Variants in STK25 observed in about 807,000 individuals in gnomAD.
STK25 encodes serine/threonine kinase 25.
In STK25, 29 loss-of-function variants were observed where a neutral mutation model predicts 53.8. The ratio of observed to expected loss-of-function variants is 0.54; its 90% CI spans 0.40 to 0.74. STK25 has a LOEUF of 0.74. Among genes scored for constraint, STK25 ranks in the 30% least tolerant of loss-of-function variants. The pLI, the probability that STK25 is intolerant of heterozygous loss-of-function variation, is 0.00. For synonymous variants in STK25, 247 were observed against 238.3 expected (o/e 1.04, Z -0.33); for missense variants, 420 against 568.0 (o/e 0.74, Z 2.65).
chr2:241,508,218 GGGGGCCCAGGAGACCCCCCAGGCCGCC>G (rs2065973134), intron 1 of STK25, 83 bp from the exon 2 acceptor site: 1 of 1,336,856 alleles, frequency 7.5e-7, no homozygotes, highest in Non-Finnish European at 9.5e-7. Flanking sequence ...ATGGGTGGGG[GGGGGCCCAGGAGACCCCCCAGGCCGCC>G]GGGGCCCCGC....
At chr2:241,506,429 A>C (rs2065834936) in intron 2 of STK25, among the ~76,000 whole-genome samples, 1 of 152,234 alleles carries the variant, frequency 6.6e-6, no homozygotes, top group Non-Finnish European at 1.5e-5. Flanking sequence ...CGGAGCTCCA[A>C]TTTCTCATCC....
Position 241,493,953 on chromosome 2 carries a change from G to A in STK25, c.*1709C>T. 1 of 1,137,432 alleles carries A rather than the reference G, an allele frequency of 8.8e-7. No homozygotes were observed. Among genetic ancestry groups the A allele is most frequent in the Non-Finnish European group, 1.2e-6 (1 of 840,964 alleles). The allele number at this position is 1,137,432 out of a possible 1,614,324, so 70.5% of individuals were successfully genotyped here. On this transcript the variant is annotated 3_prime_UTR_variant, in exon 12 of 12. Transcript: ENST00000316586. ...GTCCCATATCCTGGGTTGTTCTTGG[G>A]ACAGTGTCTGAGCACAAGATGGCTC...
At chr2:241,498,815 G>T in intron 7 of STK25, 31 bp from the exon 8 acceptor site, 1 of 1,612,940 alleles carries the variant, frequency 6.2e-7, no homozygotes, top group South Asian at 1.1e-5. Context: ...ACTAGTCACT[G>T]GGCCCAGCCA....
In STK25 at chr2:241,496,370, C is replaced by T; in HGVS notation, c.1241+28G>A. ...CCAGCTTCTTGGTGGGGGTGCTCTCCCCGACCCTATGGCACGGCCGCCCTC... is the reference window on the plus strand; with the variant it reads ...CCAGCTTCTTGGTGGGGGTGCTCTCTCCGACCCTATGGCACGGCCGCCCTC... On this transcript the variant is annotated intron_variant, in intron 11 of 11. Transcript: ENST00000316586. The surrounding 1 kb of genome is among the most constrained non-coding windows in gnomAD (Gnocchi z 5.8). 6.2e-7 allele frequency: 1 copy of T among 1,603,756 alleles called. No individual in the cohort carries two copies. The highest frequency in any genetic ancestry group is 8.5e-7 in the Non-Finnish European group (1 of 1,173,628).
At chr2:241,499,907 C>G (rs556846355) in intron 5 of STK25, 1 of 575,490 alleles carries the variant, frequency 1.7e-6, no homozygotes, top group Non-Finnish European at 3.2e-6. Context: ...GTGCCGTGCA[C>G]CACAGGGAAC....
chr2:241,498,400 A>C (rs959789661), intron 8 of STK25, 51 bp from the exon 9 acceptor site: 4 of 1,484,188 alleles, frequency 2.7e-6, no homozygotes, highest in Non-Finnish European at 3.7e-6. Context: ...GCCAGGAGGC[A>C]TGAGGGCCTC....
intron 7 of STK25, 81 bp from the exon 8 acceptor site, chr2:241,498,865 C>T (rs745779959): frequency 5.6e-6 from 9 of 1,605,878 alleles, no homozygotes; most frequent in Admixed American, 3.4e-5. Flanking sequence ...CAGCCTGGAC[C>T]GGGGCGGGCC....
In STK25 at chr2:241,492,994, C is replaced by T. The variant is rs372550589; in HGVS notation, c.*2668G>A. The T allele has an allele frequency of 1.3e-5, 21 of 1,611,616 alleles. No homozygotes were observed. Among genetic ancestry groups the T allele is most frequent in the South Asian group, 8.8e-5 (8 of 91,016 alleles). ...GTCATGGCTGGCAGAAGCTCTGGGT[C>T]GTCTTTACCAACTTCTGTTTGTTCT... On this transcript the variant is annotated 3_prime_UTR_variant, in exon 12 of 12. Coordinates refer to ENST00000316586, the MANE Select transcript of STK25 (RefSeq NM_001271977.2).
At position 241,493,919 on chromosome 2, in the gene STK25, G is replaced by A. The variant is rs2065029806; in HGVS notation, c.*1743C>T. On this transcript the variant is annotated 3_prime_UTR_variant, in exon 12 of 12. Transcript: ENST00000316586. ...GCCCCAGGTTTTTAACCCTTCTTTT[G>A]TCCTGCTTGTCCCATATCCTGGGTT... 7.2e-6 allele frequency: 6 copies of A among 829,074 alleles called. 1 individual carries two copies. In the Admixed American group the frequency reaches 1.2e-4, roughly 16 times the overall value. 51.4% of individuals were successfully genotyped at this position (829,074 alleles called of 1,614,324 possible).
intron 8 of STK25, 106 bp from the exon 9 acceptor site, chr2:241,498,455 G>C (rs566801243): frequency 7.9e-7 from 1 of 1,267,574 alleles, no homozygotes; most frequent in Non-Finnish European, 1.1e-6. Flanking sequence ...ACCAGACGGG[G>C]CTCTGCCAGG....
chr2:241,503,907 C>T (rs2065661904), intron 2 of STK25: 7 of 423,786 alleles, frequency 1.7e-5, no homozygotes, highest in South Asian at 5.4e-5. Context: ...CTAAGCCCAG[C>T]GGAGGAGCTG....
Position 241,501,413 on chromosome 2 carries a change from C to T in STK25, c.261+65G>A, listed in dbSNP as rs2065503583. 3.3e-6 allele frequency: 5 copies of T among 1,506,842 alleles called. No individual in the cohort carries two copies. Among genetic ancestry groups the T allele is most frequent in the Non-Finnish European group, 4.6e-6 (5 of 1,095,180 alleles). The allele number at this position is 1,506,842 out of a possible 1,614,324, so 93.3% of individuals were successfully genotyped here. On this transcript the variant is annotated intron_variant, in intron 3 of 11. Coordinates refer to ENST00000316586, the MANE Select transcript of STK25 (RefSeq NM_001271977.2). This position sits in a 1 kb window ranked among gnomAD's most constrained non-coding sequence, Gnocchi z 5.3. The stretch of plus-strand genomic sequence containing the variant: ...TGCACCCTCTGGCATGTCACTCAGT[C>T]CCTCTGACATGGAAGAGAGCCGGGC...
chr2:241,500,639 G>A, intron 4 of STK25, 101 bp downstream of exon 4: 1 of 1,204,424 alleles, frequency 8.3e-7, no homozygotes, highest in South Asian at 1.3e-5. Flanking sequence ...CACCTAACGT[G>A]CCATGACACC....
At chr2:241,502,970 G>A (rs770400927) in intron 2 of STK25, among the ~76,000 whole-genome samples, 4 of 152,188 alleles carry the variant, frequency 2.6e-5, no homozygotes, top group Non-Finnish European at 5.9e-5. Context: ...ATGCCTAAAA[G>A]TTTCTGAGCC....
Position 241,501,205 on chromosome 2 carries a change from C to T in STK25, c.261+273G>A, listed in dbSNP as rs2065489612. ...CAGCCACCTGCTCCTCACAGGCCCA[C>T]TCACCACTGCCAGTAGGGGCCCCCC... On this transcript the variant is annotated intron_variant, in intron 3 of 11. Transcript: ENST00000316586. This position sits in a 1 kb window ranked among gnomAD's most constrained non-coding sequence, Gnocchi z 5.3. 1.8e-6 allele frequency: 1 copy of T among 565,368 alleles called. No homozygotes were observed. The highest frequency in any genetic ancestry group is 3.2e-6 in the Non-Finnish European group (1 of 313,664). The allele number at this position is 565,368 out of a possible 1,614,324, so 35.0% of individuals were successfully genotyped here.
chr2:241,503,861 C>A (rs1472323909), intron 2 of STK25, among the ~76,000 whole-genome samples: 6 of 152,102 alleles, frequency 3.9e-5, no homozygotes, highest in Admixed American at 1.3e-4. Context: ...CTCACACTCA[C>A]CCCCTGGACA....
In STK25 at chr2:241,500,932, G is replaced by T. The variant is rs1240499911; in HGVS notation, c.262-136C>A. 1.3e-4 allele frequency: 98 copies of T among 771,872 alleles called. 2 individuals carry two copies. In the South Asian group the frequency reaches 1.6e-3, roughly 13 times the overall value. 47.8% of individuals were successfully genotyped at this position (771,872 alleles called of 1,614,324 possible). On this transcript the variant is annotated intron_variant, in intron 3 of 11. Transcript: ENST00000316586. ...CCTGCCAAGAACCCTGAACAGGAAAGGGCTCTCTCGGCCTTGCCCATCTTC... is the reference window on the plus strand; with the variant it reads ...CCTGCCAAGAACCCTGAACAGGAAATGGCTCTCTCGGCCTTGCCCATCTTC...
At position 241,495,808 on chromosome 2, in the gene STK25, C is replaced by T. The variant is rs183722073; in HGVS notation, c.1242-107G>A. On this transcript the variant is annotated intron_variant, in intron 11 of 11. Coordinates refer to ENST00000316586, the MANE Select transcript of STK25 (RefSeq NM_001271977.2). Reference sequence around the variant, plus strand: ...GTGGCAGCCCTGACAAGCCACCGCACCACGTGGGTCTGAAGGTGTCCCCAA... The same window carrying T: ...GTGGCAGCCCTGACAAGCCACCGCATCACGTGGGTCTGAAGGTGTCCCCAA... 1,666 of 1,146,260 alleles carry T rather than the reference C, an allele frequency of 1.5e-3. 3 individuals carry two copies. The highest frequency in any genetic ancestry group is 2.0e-3 in the Non-Finnish European group (1,504 of 767,018). 71.0% of individuals were successfully genotyped at this position (1,146,260 alleles called of 1,614,324 possible).
Position 241,497,639 on chromosome 2 carries a change from G to A in STK25, c.1081C>T (p.Leu361=). ...RQPRSQCLST[L]VRPVFGELKE... ...ACCTCTCCGAAGACGGGCCGGACCA[G>A]CGTGGACAGGCACTGGGACCTCGGC... Residue 361 remains leucine (L), a synonymous_variant, in exon 10 of 12, where the codon CTG becomes TTG. Transcript: ENST00000316586. The A allele has an allele frequency of 1.2e-6, 2 of 1,613,536 alleles. No individual in the cohort carries two copies. Among genetic ancestry groups the A allele is most frequent in the Non-Finnish European group, 1.7e-6 (2 of 1,180,004 alleles).
Sources: gnomAD v4.1 joint callset for allele counts (sites outside exome capture counted in the v4.1 genomes callset) on GRCh38, gnomAD v4.1.1 for gene constraint, Gnocchi (gnomAD v3.1) non-coding constraint, MANE v1.5 for transcripts, NCBI Gene and HGNC (gene_info 2026-07-23, HGNC 2026-07-21) for gene names.